The following USP24 variants were observed in gnomAD, a reference collection of about 807,000 sequenced individuals.
The protein encoded by USP24 is ubiquitin specific peptidase 24.
USP24 carries 97 observed loss-of-function variants against 361.6 expected under a neutral mutation model. That is an observed-to-expected ratio of 0.27 (90% CI 0.23 to 0.32). USP24 has a LOEUF of 0.32. Among genes scored for constraint, USP24 ranks in the 10% least tolerant of loss-of-function variants. USP24 has a pLI of 1.00. For synonymous variants in USP24, 1,098 were observed against 1,124.6 expected, an observed-to-expected ratio of 0.98 and a Z score of 0.47; for missense variants, 2,353 against 3,165.6, an observed-to-expected ratio of 0.74 and a Z score of 6.16.
At chr1:55,120,548 T>C (rs1646250598) in intron 38 of USP24, 48 bp downstream of exon 38, 1 of 1,486,022 alleles carries the variant, frequency 6.7e-7, no homozygotes, top group Non-Finnish European at 9.0e-7. Context: ...CAAATTATCA[T>C]TTATCCTCTC....
At chr1:55,163,214 T>C (rs1648477028) in intron 7 of USP24, among the ~76,000 whole-genome samples, 1 of 151,890 alleles carries the variant, frequency 6.6e-6, no homozygotes, top group Non-Finnish European at 1.5e-5. Flanking sequence ...TTTATAAACT[T>C]GAGGTGGGAG....
chr1:55,126,725 T>C (rs1570475197), intron 32 of USP24, among the ~76,000 whole-genome samples: 1 of 152,324 alleles, frequency 6.6e-6, no homozygotes, highest in East Asian at 1.9e-4. Context: ...TCTACGGTAC[T>C]TGGGAATCCT....
chr1:55,195,647 C>A (rs1014934107), intron 1 of USP24, among the ~76,000 whole-genome samples: 3 of 152,134 alleles, frequency 2.0e-5, no homozygotes, highest in Non-Finnish European at 4.4e-5. Flanking sequence ...CATACTATAA[C>A]ATGAACAAGC....
In USP24 at chr1:55,163,946, G is replaced by A. The variant is rs533585034; in HGVS notation, c.928-1682C>T. 2.7e-4 allele frequency among the ~76,000 whole-genome samples: 41 copies of A among 151,940 alleles called. 1 individual carries two copies. The highest frequency in any genetic ancestry group is 5.0e-4 in the Non-Finnish European group (34 of 67,896). On this transcript the variant is annotated intron_variant, in intron 7 of 67. Coordinates refer to ENST00000294383, the MANE Select transcript of USP24 (RefSeq NM_015306.3). ...TCCCCCAGTATACCAAGGAATGACT[G>A]TAATCTTCAACTCAGAAATCTCATT... is the stretch of plus-strand genomic sequence containing the variant.
At chr1:55,128,712 C>CTTT (rs1557604215) in intron 32 of USP24, among the ~76,000 whole-genome samples, 49 of 141,516 alleles carry the variant, frequency 3.5e-4, no homozygotes, top group Non-Finnish European at 6.7e-4. Flanking sequence ...TGCTTTAATA[C>CTTT]CTTTTTTTTT....
chr1:55,124,506 C>T lies in USP24; in HGVS notation c.4083G>A (p.Leu1361=), dbSNP rs770607233. ...SSQPIKESNS[L]CPAGIRNRLS... ...GTCTGTTTCGAATTCCAGCAGGACA[C>T]AGGGAATTACTTTCTTTAATTGGCT... is the stretch of plus-strand genomic sequence containing the variant. The change falls in exon 35 of 68, where the codon CTG becomes CTA. Residue 1361 remains leucine, a synonymous_variant. Transcript: ENST00000294383. 2.5e-6 allele frequency: 4 copies of T among 1,613,302 alleles called. No individual in the cohort carries two copies. The highest frequency in any genetic ancestry group is 1.1e-5 in the South Asian group (1 of 90,880).
chr1:55,121,522 G>A lies in USP24; in HGVS notation c.4277-16C>T, dbSNP rs1052666990. 6.2e-7 allele frequency: 1 copy of A among 1,606,890 alleles called. No individual in the cohort carries two copies. On this transcript the variant is annotated splice_polypyrimidine_tract_variant and intron_variant, in intron 36 of 67. Transcript: ENST00000294383. ...TAGAAAGATGCTAATAAGAAGAAAT[G>A]GGGGATGTGGGTGTGTGAAACAAGT...
In USP24 at chr1:55,214,787, C is replaced by A; in HGVS notation, c.324+3G>T. ...ACAGAGGTCTGGGGTTGCCCCTCCT[C>A]ACCTCCGCGTCCACCACCTCGTGGT... On this transcript the variant is annotated splice_donor_region_variant and intron_variant, in intron 1 of 67. Transcript: ENST00000294383. 8.2e-7 allele frequency: 1 copy of A among 1,224,874 alleles called. No individual in the cohort carries two copies. The highest frequency in any genetic ancestry group is 1.0e-6 in the Non-Finnish European group (1 of 973,504). The allele number at this position is 1,224,874 out of a possible 1,614,324, so 75.9% of individuals were successfully genotyped here.
At position 55,151,324 on chromosome 1, in the gene USP24, G is replaced by T. The variant is rs141439283; in HGVS notation, c.1860+2546C>A. 7.9e-3 allele frequency among the ~76,000 whole-genome samples: 1,196 copies of T among 152,274 alleles called. 4 individuals carry two copies. Among genetic ancestry groups the T allele is most frequent in the Middle Eastern group, 0.02 (6 of 294 alleles). Reference sequence around the variant, plus strand: ...TTGCTTGGGAGGACAATTTCTAAAAGTTATTTCCTCCTGTACTAACCACAT... The same window carrying T: ...TTGCTTGGGAGGACAATTTCTAAAATTTATTTCCTCCTGTACTAACCACAT... On this transcript the variant is annotated intron_variant, in intron 16 of 67. Transcript: ENST00000294383.
intron 1 of USP24, among the ~76,000 whole-genome samples, chr1:55,188,963 T>A (rs1331071391): frequency 1.4e-4 from 2 of 14,704 alleles, no homozygotes; most frequent in South Asian, 3.7e-3. Context: ...AAACTCCATC[T>A]CAAAAAAAAA....
At position 55,068,877 on chromosome 1, in the gene USP24, C is replaced by T; in HGVS notation, c.*168G>A. The stretch of plus-strand genomic sequence containing the variant: ...CACTGCCAAACAGCTCCCAAACCTT[C>T]TAGTGGCTTAAAAATGCTTTCCTTG... On this transcript the variant is annotated 3_prime_UTR_variant, in exon 68 of 68. Coordinates refer to ENST00000294383, the MANE Select transcript of USP24 (RefSeq NM_015306.3). 1 of 664,154 alleles carries T rather than the reference C, an allele frequency of 1.5e-6. No individual in the cohort carries two copies. Among genetic ancestry groups the T allele is most frequent in the Non-Finnish European group, 2.5e-6 (1 of 397,210 alleles). The allele number at this position is 664,154 out of a possible 1,614,324, so 41.1% of individuals were successfully genotyped here.
At chr1:55,187,423 C>G (rs1044627050) in intron 1 of USP24, among the ~76,000 whole-genome samples, 3 of 152,196 alleles carry the variant, frequency 2.0e-5, no homozygotes, top group Non-Finnish European at 2.9e-5. Flanking sequence ...CCATTCAACA[C>G]TGCACTGGAG....
intron 8 of USP24, among the ~76,000 whole-genome samples, chr1:55,161,116 G>A (rs1428378174): frequency 6.6e-6 from 1 of 152,148 alleles, no homozygotes; most frequent in Non-Finnish European, 1.5e-5. Context: ...GCTCATGCCT[G>A]TAATCCCAGC....
At chr1:55,194,236 C>T (rs1644360804) in intron 1 of USP24, among the ~76,000 whole-genome samples, 1 of 152,160 alleles carries the variant, frequency 6.6e-6, no homozygotes, top group South Asian at 2.1e-4. Context: ...GTTGAAATTT[C>T]CTTTACTAAG....
chr1:55,191,160 G>C (rs1474970119), intron 1 of USP24, among the ~76,000 whole-genome samples: 1 of 152,124 alleles, frequency 6.6e-6, no homozygotes, highest in Non-Finnish European at 1.5e-5. Context: ...ATTAAATCTT[G>C]TGTATTCAGT....
chr1:55,209,454 T>C (rs1381307626), intron 1 of USP24, among the ~76,000 whole-genome samples: 1 of 152,180 alleles, frequency 6.6e-6, no homozygotes, highest in Non-Finnish European at 1.5e-5. Context: ...TGTGATTTGG[T>C]TGAGTCGGCT....
At chr1:55,099,716 C>G in intron 45 of USP24, 55 bp downstream of exon 45, 1 of 1,279,716 alleles carries the variant, frequency 7.8e-7, no homozygotes, top group Admixed American at 2.1e-5. Context: ...AGACACTATT[C>G]TCATACTATA....
At chr1:55,116,646 C>CA (rs996704657) in intron 38 of USP24, among the ~76,000 whole-genome samples, 1 of 136,250 alleles carries the variant, frequency 7.3e-6, no homozygotes, top group South Asian at 2.3e-4. Flanking sequence ...ATCTATTTAG[C>CA]AAAGAGATTC....
rs776859310 is a variant in USP24 at position 55,101,701 on chromosome 1, G to A, written c.5028C>T (p.Tyr1676=). ...PDPALTKEFD[Y]LPPVDSRSSS... ...TGGACCTGCTATCCACTGGGGGAAGGTACTGGAAAAGAGAGGAATAGAAAC... is the reference window on the plus strand; with the variant it reads ...TGGACCTGCTATCCACTGGGGGAAGATACTGGAAAAGAGAGGAATAGAAAC... Residue 1676 remains tyrosine (Y), a splice_region_variant and synonymous_variant, in exon 43 of 68, where the codon TAC becomes TAT. Transcript: ENST00000294383. 3.6e-5 allele frequency: 57 copies of A among 1,600,930 alleles called. No homozygotes were observed. In the South Asian group the frequency reaches 6.4e-4, roughly 18 times the overall value.
Sources: gnomAD v4.1 joint callset for allele counts (sites outside exome capture counted in the v4.1 genomes callset) on GRCh38, gnomAD v4.1.1 for gene constraint, MANE v1.5 for transcripts, NCBI Gene and HGNC (gene_info 2026-07-23, HGNC 2026-07-21) for gene names.